Variants in PPFIBP2 observed in about 807,000 individuals in gnomAD.
PPFIBP2 encodes liprin-beta-2.
A neutral mutation model predicts 118.3 loss-of-function variants in PPFIBP2; 118 were observed. That is an observed-to-expected ratio of 1.00 (90% CI 0.86 to 1.16). PPFIBP2 has a LOEUF of 1.16. PPFIBP2 is among the 50% of genes most tolerant of loss of function. PPFIBP2 has a pLI of 0.00. For missense variants in PPFIBP2, 1,195 were observed against 1,073.1 expected (o/e 1.11, Z -1.59); for synonymous variants, 414 against 397.4 (o/e 1.04, Z -0.50).
At chr11:7,546,462 C>A (rs1260302463) in intron 1 of PPFIBP2, among the ~76,000 whole-genome samples, 1 of 152,210 alleles carries the variant, frequency 6.6e-6, no homozygotes, top group African/African-American at 2.4e-5. Context: ...GCCCATGGGT[C>A]TTGTTTTATG....
At chr11:7,643,013 T>C (rs1299032159) in intron 17 of PPFIBP2, among the ~76,000 whole-genome samples, 2 of 152,180 alleles carry the variant, frequency 1.3e-5, no homozygotes, top group Admixed American at 6.5e-5. Context: ...TATTCTTCGA[T>C]GAGTATCCCC....
At chr11:7,663,990 C>G in the PPFIBP2 span, among the ~76,000 whole-genome samples, 5 of 152,226 alleles carry the variant, frequency 3.3e-5, no homozygotes, top group Non-Finnish European at 7.3e-5. Flanking sequence ...GAGGCAATGC[C>G]TTGCCCTGCT....
At chr11:7,660,484 C>G (rs570722309), downstream of PPFIBP2, among the ~76,000 whole-genome samples, 76 of 148,756 alleles carry the variant, frequency 5.1e-4, 1 homozygote, top group Non-Finnish European at 1.0e-3. Context: ...GCCTTGCATC[C>G]CAGGGATGAA....
chr11:7,605,041 A>G (rs2063916501), intron 5 of PPFIBP2, among the ~76,000 whole-genome samples: 1 of 152,246 alleles, frequency 6.6e-6, no homozygotes, highest in African/African-American at 2.4e-5. Context: ...GTCAGGGGCA[A>G]TTCAGGAGCA....
chr11:7,564,044 C>T (rs10839811), intron 2 of PPFIBP2, among the ~76,000 whole-genome samples: 83,658 of 151,768 alleles, frequency 0.55, 25,363 homozygotes, highest in African/African-American at 0.82. Flanking sequence ...CGGGCACCTG[C>T]AGTCCCAGCT....
intron 1 of PPFIBP2, among the ~76,000 whole-genome samples, chr11:7,542,908 A>G (rs1169899228): frequency 1.3e-5 from 2 of 152,266 alleles, no homozygotes; most frequent in Admixed American, 1.3e-4. Context: ...TGCCCAAAAC[A>G]ATGAAATTGA....
intron 4 of PPFIBP2, among the ~76,000 whole-genome samples, chr11:7,595,855 A>G (rs1031809634): frequency 2.0e-5 from 3 of 151,462 alleles, no homozygotes; most frequent in Non-Finnish European, 2.9e-5. Flanking sequence ...TTGTATCTTC[A>G]TTATAATGTA....
rs548584737 is a variant in PPFIBP2 at position 7,599,680 on chromosome 11, G to A, written c.486+2007G>A. On this transcript the variant is annotated intron_variant, in intron 5 of 23. Coordinates refer to ENST00000299492, the MANE Select transcript of PPFIBP2 (RefSeq NM_003621.5). The stretch of plus-strand genomic sequence containing the variant: ...GAGTCTTTCTCAGTTGCCCAGGCTG[G>A]AGTGCGGTGGCGCGATCTCGGCTCA... 2.7e-3 allele frequency among the ~76,000 whole-genome samples: 406 copies of A among 150,944 alleles called. 1 individual carries two copies. Among genetic ancestry groups the A allele is most frequent in the Non-Finnish European group, 4.9e-3 (329 of 67,812 alleles).
At chr11:7,594,371 T>A (rs544893554) in intron 4 of PPFIBP2, among the ~76,000 whole-genome samples, 1 of 152,366 alleles carries the variant, frequency 6.6e-6, no homozygotes, top group South Asian at 2.1e-4. Flanking sequence ...CTTCATTGAT[T>A]TCTTCATTAT....
intron 1 of PPFIBP2, among the ~76,000 whole-genome samples, chr11:7,523,630 A>T (rs1849966575): frequency 6.6e-6 from 1 of 152,124 alleles, no homozygotes; most frequent in African/African-American, 2.4e-5. Context: ...TGCACTTCCC[A>T]TTTCTTAGGA....
At chr11:7,646,574 C>G (rs977741652) in intron 17 of PPFIBP2, among the ~76,000 whole-genome samples, 2 of 152,136 alleles carry the variant, frequency 1.3e-5, no homozygotes, top group African/African-American at 4.8e-5. Context: ...TAAAGAAGTA[C>G]TATAGCTGGA....
chr11:7,566,408 G>A (rs1255406330), intron 3 of PPFIBP2, among the ~76,000 whole-genome samples: 2 of 152,144 alleles, frequency 1.3e-5, no homozygotes, highest in African/African-American at 2.4e-5. Context: ...AGGCTGGAGT[G>A]CAGTGTGGCT....
intron 6 of PPFIBP2, among the ~76,000 whole-genome samples, chr11:7,620,494 C>T (rs1849215682): frequency 6.6e-6 from 1 of 152,168 alleles, no homozygotes. Flanking sequence ...TCACAGGCCC[C>T]CTCTTCTATC....
At chr11:7,574,266 G>A (rs1345571272) in intron 3 of PPFIBP2, among the ~76,000 whole-genome samples, 3 of 152,196 alleles carry the variant, frequency 2.0e-5, no homozygotes, top group Non-Finnish European at 4.4e-5. Context: ...TTAGGTCACT[G>A]TAGTGACCCG....
At chr11:7,648,587 G>GT (rs762666172) in intron 18 of PPFIBP2, 50 bp downstream of exon 18, 1 of 1,604,444 alleles carries the variant, frequency 6.2e-7, no homozygotes, top group East Asian at 2.2e-5. Flanking sequence ...CCCAAAGCAT[G>GT]GGGAGGCCAG....
At chr11:7,542,662 T>C (rs1851918446) in intron 1 of PPFIBP2, among the ~76,000 whole-genome samples, 1 of 152,238 alleles carries the variant, frequency 6.6e-6, no homozygotes, top group South Asian at 2.1e-4. Flanking sequence ...GTAAGTCTGT[T>C]AAGATGTTCA....
At chr11:7,580,461 G>C (rs1256288860) in intron 3 of PPFIBP2, among the ~76,000 whole-genome samples, 1 of 152,242 alleles carries the variant, frequency 6.6e-6, no homozygotes, top group East Asian at 1.9e-4. Flanking sequence ...CAGAGCAGGA[G>C]CCCTTGCCCT....
downstream of PPFIBP2, chr11:7,655,584 G>A (rs771534338): frequency 9.1e-7 from 1 of 1,096,974 alleles, no homozygotes; most frequent in Admixed American, 2.3e-5. Context: ...TATGCACAAG[G>A]CCTGGGGGAC....
At chr11:7,639,039 A>C (rs1426832185) in intron 14 of PPFIBP2, among the ~76,000 whole-genome samples, 5 of 152,320 alleles carry the variant, frequency 3.3e-5, no homozygotes, top group African/African-American at 9.6e-5. Context: ...TTTTTTAAGA[A>C]GCCATGATCA....
Sources: allele counts gnomAD v4.1 joint callset (sites outside exome capture counted in the v4.1 genomes callset), GRCh38; gene constraint gnomAD v4.1.1; transcripts MANE v1.5; gene names NCBI Gene and HGNC (gene_info 2026-07-23, HGNC 2026-07-21).